The following ATXN7L3 variants were observed in gnomAD, a reference collection of about 807,000 sequenced individuals.
The protein encoded by ATXN7L3 is ataxin-7-like protein 3.
ATXN7L3 carries 6 observed loss-of-function variants against 50.0 expected under a neutral mutation model. The observed-to-expected ratio is 0.12, with a 90% CI of 0.07 to 0.24. The LOEUF (loss-of-function observed/expected upper bound fraction) is 0.24, where lower values mean the gene tolerates loss of function less well. Among genes scored for constraint, ATXN7L3 ranks in the 10% least tolerant of loss-of-function variants. ATXN7L3 has a pLI of 1.00. For synonymous variants in ATXN7L3, 198 were observed against 165.8 expected, an observed-to-expected ratio of 1.19 and a Z score of -1.49; for missense variants, 322 against 451.3, an observed-to-expected ratio of 0.71 and a Z score of 2.60.
At position 44,194,223 on chromosome 17, in the gene ATXN7L3, G is replaced by C. The variant is rs774257502; in HGVS notation, c.*40C>G. On this transcript the variant is annotated 3_prime_UTR_variant, in exon 13 of 13. Transcript: ENST00000587097. ...TGCCACCTGGGTGGGGGTCAGGAGA[G>C]AGGGCTCTGCTCAGCCAAAGGCTAT... 3.1e-6 allele frequency: 5 copies of C among 1,607,392 alleles called. No homozygotes were observed. In the South Asian group the frequency reaches 5.5e-5, roughly 18 times the overall value.
rs1472000114 is a variant in ATXN7L3 at position 44,198,013 on chromosome 17, C to A, written c.51+7G>T. On this transcript the variant is annotated splice_region_variant and intron_variant, in intron 2 of 12. Coordinates refer to ENST00000587097, the MANE Select transcript of ATXN7L3 (RefSeq NM_001382309.1). ...AGAACTGGAGGCACACGTGGGGGAG[C>A]CCTCACCTCTAGTTTGCTGTTATCC... 6.2e-7 allele frequency: 1 copy of A among 1,613,468 alleles called. No homozygotes were observed. Among genetic ancestry groups the A allele is most frequent in the Non-Finnish European group, 8.5e-7 (1 of 1,179,458 alleles).
In ATXN7L3 at chr17:44,196,091, G is replaced by A. The variant is rs751503547; in HGVS notation, c.478-12C>T. 2 of 1,612,472 alleles carry A rather than the reference G, an allele frequency of 1.2e-6. No individual in the cohort carries two copies. The highest frequency in any genetic ancestry group is 1.7e-6 in the Non-Finnish European group (2 of 1,178,586). On this transcript the variant is annotated splice_polypyrimidine_tract_variant and intron_variant, in intron 6 of 12. Transcript: ENST00000587097. ...GGGGAATTGGGGTTCTGGAATGGGA[G>A]ATACCATAGCTTTGGGGAAAGGGTA...
At chr17:44,197,926 G>A (rs2144490940) in intron 2 of ATXN7L3, 94 bp downstream of exon 2, 4 of 1,536,264 alleles carry the variant, frequency 2.6e-6, no homozygotes, top group African/African-American at 1.4e-5. Context: ...GAACAAGGCT[G>A]ACTACCCAAA....
intron 1 of ATXN7L3, 188 bp from the exon 2 acceptor site, chr17:44,198,318 A>G (rs1183078234): frequency 8.1e-6 from 4 of 496,580 alleles, no homozygotes; most frequent in Non-Finnish European, 1.4e-5. Context: ...AGTCTTTCCC[A>G]GGCCTGAGCT....
Position 44,192,312 on chromosome 17 carries a change from G to C in ATXN7L3, c.*1951C>G, listed in dbSNP as rs1256590716. 1 of 152,284 alleles carries C rather than the reference G, an allele frequency of 6.6e-6. No homozygotes were observed. The highest frequency in any genetic ancestry group is 1.5e-5 in the Non-Finnish European group (1 of 68,074). 9.4% of individuals were successfully genotyped at this position (152,284 alleles called of 1,614,324 possible). On this transcript the variant is annotated 3_prime_UTR_variant, in exon 13 of 13. Coordinates refer to ENST00000587097, the MANE Select transcript of ATXN7L3 (RefSeq NM_001382309.1). ...GGGCAGGGGGCTCTGCCCTGAGGGC[G>C]GGCCAAGGAACAATGGGGAAGTTTA...
At position 44,197,605 on chromosome 17, in the gene ATXN7L3, C is replaced by T. The variant is rs2055959865; in HGVS notation, c.177G>A (p.Lys59=). Residue 59 remains lysine (K), a synonymous_variant, in exon 3 of 13, where the codon AAG becomes AAA. Coordinates refer to ENST00000587097, the MANE Select transcript of ATXN7L3 (RefSeq NM_001382309.1). ...CTTCACCCTGAAGCTCACCAAAATC[C>T]TTCATGCTATCAGGGTCCGTGTCGT... ...FLDDTDPDSM[K]DFEIVDQPGL... The T allele has an allele frequency of 1.2e-6, 2 of 1,614,122 alleles. No individual in the cohort carries two copies. The highest frequency in any genetic ancestry group is 2.2e-5 in the East Asian group (1 of 44,900).
In ATXN7L3 at chr17:44,194,062, C is replaced by T; in HGVS notation, c.*201G>A. 2 of 646,616 alleles carry T rather than the reference C, an allele frequency of 3.1e-6. No homozygotes were observed. The highest frequency in any genetic ancestry group is 5.3e-6 in the Non-Finnish European group (2 of 378,920). 40.1% of individuals were successfully genotyped at this position (646,616 alleles called of 1,614,324 possible). ...AGGCATAATATGTCCAGGTCTGAGT[C>T]CTGCACGCCGAGGAGTCGTGCTCCA... On this transcript the variant is annotated 3_prime_UTR_variant, in exon 13 of 13. Coordinates refer to ENST00000587097, the MANE Select transcript of ATXN7L3 (RefSeq NM_001382309.1).
At chr17:44,195,235 G>A (rs1277821082) in intron 9 of ATXN7L3, 95 bp from the exon 10 acceptor site, 5 of 1,452,674 alleles carry the variant, frequency 3.4e-6, no homozygotes, top group Non-Finnish European at 4.8e-6. Context: ...AGCACAAGCA[G>A]AGATGGCCCA....
At chr17:44,195,583 G>A in intron 8 of ATXN7L3, 96 bp from the exon 9 acceptor site, 1 of 1,384,708 alleles carries the variant, frequency 7.2e-7, no homozygotes, top group African/African-American at 1.4e-5. Flanking sequence ...CCCTTTCTAA[G>A]TGAGGCTTTA....
chr17:44,196,426 AAAC>A lies in ATXN7L3; in HGVS notation c.455-11_455-9del. 6.2e-7 allele frequency: 1 copy of A among 1,613,910 alleles called. No homozygotes were observed. Among genetic ancestry groups the A allele is most frequent in the Non-Finnish European group, 8.5e-7 (1 of 1,179,986 alleles). ...CTGACTTTCTCTTCTTGGCTGTGGG[AAAC>A]AAAAGCATAAAGAGCAGGGTTTCCG... is the stretch of plus-strand genomic sequence containing the variant. On this transcript the variant is annotated splice_polypyrimidine_tract_variant and intron_variant, in intron 5 of 12. Transcript: ENST00000587097.
Position 44,198,029 on chromosome 17 carries a change from G to A in ATXN7L3, c.42C>T (p.Ser14=). The A allele has an allele frequency of 3.1e-6, 5 of 1,614,064 alleles. No individual in the cohort carries two copies. The highest frequency in any genetic ancestry group is 3.3e-4 in the Middle Eastern group (2 of 6,056). ...EEMSLSGLDN[S]KLEAIAQEIY... is the part of the protein sequence containing the mutation. ...GTGGGGGAGCCCTCACCTCTAGTTT[G>A]CTGTTATCCAGGCCAGACAAAGACA... Residue 14 remains serine (S), a synonymous_variant, in exon 2 of 13, where the codon AGC becomes AGT. Transcript: ENST00000587097.
chr17:44,198,151 GTGT>G (rs2055990527), intron 1 of ATXN7L3, 21 bp from the exon 2 acceptor site: 17 of 1,420,588 alleles, frequency 1.2e-5, no homozygotes, highest in Non-Finnish European at 4.9e-6. Context: ...GGGGGTGGGG[GTGT>G]TGTTGTGAGT....
In ATXN7L3 at chr17:44,194,538, C is replaced by T. The variant is rs1292808640; in HGVS notation, c.874G>A (p.Glu292Lys). Residue 292 changes from glutamate (E) to lysine (K), a missense_variant, in exon 12 of 13, where the codon GAA becomes AAA. This residue lies in a region of ATXN7L3 where 122 missense variants were observed against 130.8 expected (regional missense o/e 0.93). Coordinates refer to ENST00000587097, the MANE Select transcript of ATXN7L3 (RefSeq NM_001382309.1). ...PSDSGSSKTSENQGWGLGTNS... is the reference protein window; with the variant it reads ...PSDSGSSKTSKNQGWGLGTNS... The stretch of plus-strand genomic sequence containing the variant: ...GTACCTAGACCCCATCCCTGATTTT[C>T]ACTCGTCTTGGAGGAGCCTGAATCA... 6.2e-7 allele frequency: 1 copy of T among 1,613,590 alleles called. No homozygotes were observed. Among genetic ancestry groups the T allele is most frequent in the Non-Finnish European group, 8.5e-7 (1 of 1,179,956 alleles).
chr17:44,197,570 A>G, intron 3 of ATXN7L3, 28 bp downstream of exon 3: 2 of 1,614,102 alleles, frequency 1.2e-6, no homozygotes, highest in East Asian at 2.2e-5. Context: ...GAAGGGCTGG[A>G]CTGCTGCTCC....
Position 44,194,333 on chromosome 17 carries a change from C to G in ATXN7L3, c.974G>C (p.Gly325Ala), listed in dbSNP as rs775025068. 1 of 1,614,188 alleles carries G rather than the reference C, an allele frequency of 6.2e-7. No homozygotes were observed. Among genetic ancestry groups the G allele is most frequent in the African/African-American group, 1.3e-5 (1 of 75,046 alleles). Residue 325 changes from glycine (G) to alanine (A), a missense_variant, in exon 13 of 13, where the codon GGT (glycine) becomes GCT (alanine). Gly to Ala is a moderately conservative substitution (Grantham distance 60). This residue lies in a region of ATXN7L3 where 122 missense variants were observed against 130.8 expected (regional missense o/e 0.93). Coordinates refer to ENST00000587097, the MANE Select transcript of ATXN7L3 (RefSeq NM_001382309.1). ...CTTTGGCTTCTTCTTCTTGTTGGAA[C>G]CTAGGCCGGAGGCAGTCCCTACCAG... ...LSLVGTASGL[G>A]SNKKKKPKPP...
chr17:44,192,973 C>T lies in ATXN7L3; in HGVS notation c.*1290G>A, dbSNP rs982028087. 1 of 152,380 alleles carries T rather than the reference C, an allele frequency of 6.6e-6. No homozygotes were observed. Among genetic ancestry groups the T allele is most frequent in the African/African-American group, 2.4e-5 (1 of 41,424 alleles). The allele number at this position is 152,380 out of a possible 1,614,324, so 9.4% of individuals were successfully genotyped here. ...CAGGTCGCGGTCCTCCAGCTTGGCT[C>T]CTGGGAGTGGTGGTGCCCGCATGGA... On this transcript the variant is annotated 3_prime_UTR_variant, in exon 13 of 13. Coordinates refer to ENST00000587097, the MANE Select transcript of ATXN7L3 (RefSeq NM_001382309.1).
At chr17:44,195,563 T>A (rs898786064) in intron 8 of ATXN7L3, 76 bp from the exon 9 acceptor site, 11 of 1,441,902 alleles carry the variant, frequency 7.6e-6, no homozygotes, top group Non-Finnish European at 8.8e-6. Flanking sequence ...TGAGAATCAG[T>A]CCCTCTGGTC....
At chr17:44,195,870 G>C in intron 7 of ATXN7L3, 42 bp from the exon 8 acceptor site, 1 of 1,597,502 alleles carries the variant, frequency 6.3e-7, no homozygotes, top group Non-Finnish European at 8.5e-7. Context: ...TGATGCAGAG[G>C]TACAGACAGA....
At position 44,194,794 on chromosome 17, in the gene ATXN7L3, T is replaced by G. The variant is rs1238374587; in HGVS notation, c.711A>C (p.Val237=). ...PQHTDEQRRT[V]RIYFLGPSAV... is the part of the protein sequence containing the mutation. ...CCGAGGGCCCGAGAAAATAAATCCG[T>G]ACGGTTCGCCTCTGCTCATCTGTGT... The change falls in exon 11 of 13, where the codon GTA becomes GTC. Residue 237 remains valine (V), a synonymous_variant. Transcript: ENST00000587097. 1.2e-6 allele frequency: 2 copies of G among 1,614,122 alleles called. No individual in the cohort carries two copies. Among genetic ancestry groups the G allele is most frequent in the Non-Finnish European group, 1.7e-6 (2 of 1,180,004 alleles).
Sources: gnomAD v4.1 joint callset for allele counts on GRCh38, gnomAD v4.1.1 for gene constraint, gnomAD v4.1.1 regional missense constraint, MANE v1.5 for transcripts, NCBI Gene and HGNC (gene_info 2026-07-23, HGNC 2026-07-21) for gene names.